Variants in LMO7 observed in about 807,000 individuals in gnomAD.
LMO7 encodes LIM domain only protein 7.
Under a neutral mutation model 206.5 loss-of-function variants are expected in LMO7, and 120 were observed. The observed-to-expected ratio is 0.58, with a 90% CI of 0.50 to 0.68. The LOEUF is 0.68. Ranked by LOEUF, LMO7 falls within the 30% of genes least tolerant of loss-of-function variation. The probability of loss-of-function intolerance (pLI) is 0.00; values close to 1 mark genes in which losing one functional copy is unlikely to be tolerated. For missense variants in LMO7, 1,959 were observed against 1,957.9 expected, an observed-to-expected ratio of 1.00 and a Z score of -0.01; for synonymous variants, 706 against 681.5, an observed-to-expected ratio of 1.04 and a Z score of -0.56.
rs778667380 is a variant in LMO7, at chr13:75,857,595, CA to C, written c.4874-323del. Reference sequence around the variant, plus strand: ...GTGTGTGTGTTTTTCTCTCTCTCATCAAATTCCAAAGCCAAATAGAAATGAT... The same window carrying C: ...GTGTGTGTGTTTTTCTCTCTCTCATCAATTCCAAAGCCAAATAGAAATGAT... On this transcript the variant is annotated intron_variant, in intron 30 of 30. Transcript: ENST00000377534. 91 of 189,090 alleles carry C rather than the reference CA, an allele frequency of 4.8e-4. 1 individual carries two copies. The highest frequency in any genetic ancestry group is 7.9e-4 in the Non-Finnish European group (73 of 91,880). 11.7% of individuals were successfully genotyped at this position (189,090 alleles called of 1,614,324 possible). A position where few individuals can be genotyped will look rare whatever the true frequency, so the allele number is the denominator to read the frequency against.
chr13:75,665,305 C>CT (rs1450711660), intron 1 of LMO7, among the ~76,000 whole-genome samples: 1 of 151,540 alleles, frequency 6.6e-6, no homozygotes, highest in Non-Finnish European at 1.5e-5. Flanking sequence ...CTTTCCTCTT[C>CT]TTTTTTTAAA....
At chr13:75,811,951 G>T (rs73227981) in intron 11 of LMO7, among the ~76,000 whole-genome samples, 1,750 of 152,254 alleles carry the variant, frequency 0.011, 20 homozygotes, top group Non-Finnish European at 0.016. Context: ...TCACTTATGG[G>T]TTTGGCCAAA....
intron 20 of LMO7, among the ~76,000 whole-genome samples, chr13:75,839,065 A>T (rs982842193): frequency 1.3e-5 from 2 of 152,206 alleles, no homozygotes; most frequent in Non-Finnish European, 1.5e-5. Flanking sequence ...TTAATCACCT[A>T]ATATCATTCC....
At chr13:75,709,109 C>T (rs1268320877) in intron 1 of LMO7, among the ~76,000 whole-genome samples, 1 of 152,084 alleles carries the variant, frequency 6.6e-6, no homozygotes, top group African/African-American at 2.4e-5. Flanking sequence ...CATCCATGTC[C>T]CTAAAAAGGA....
chr13:75,691,015 T>C (rs1000890512), intron 1 of LMO7, among the ~76,000 whole-genome samples: 4 of 152,138 alleles, frequency 2.6e-5, no homozygotes, highest in African/African-American at 9.7e-5. Context: ...TATATGTAGA[T>C]ATGTATATGT....
At chr13:75,683,851 T>A (rs1327577711) in intron 1 of LMO7, among the ~76,000 whole-genome samples, 1 of 152,192 alleles carries the variant, frequency 6.6e-6, no homozygotes, top group African/African-American at 2.4e-5. Context: ...GATTGGCAAT[T>A]TGTTGATAGA....
chr13:75,707,237 G>C (rs2042725786), intron 1 of LMO7, among the ~76,000 whole-genome samples: 1 of 151,536 alleles, frequency 6.6e-6, no homozygotes, highest in African/African-American at 2.4e-5. Context: ...TACAACTTAG[G>C]AATAATTACT....
intron 1 of LMO7, among the ~76,000 whole-genome samples, chr13:75,647,830 G>A (rs1462635655): frequency 6.6e-6 from 1 of 152,036 alleles, no homozygotes; most frequent in Non-Finnish European, 1.5e-5. Context: ...TTCTGAAATG[G>A]CACACAAAAC....
intron 3 of LMO7, among the ~76,000 whole-genome samples, chr13:75,740,620 G>T (rs1301214861): frequency 6.6e-6 from 1 of 152,182 alleles, no homozygotes; most frequent in African/African-American, 2.4e-5. Context: ...TTGTAGATTT[G>T]TTTGAGGAGA....
In LMO7 at chr13:75,821,504, C is replaced by G. The variant is rs2057566953; in HGVS notation, c.2535C>G (p.Pro845=). 1 of 1,614,088 alleles carries G rather than the reference C, an allele frequency of 6.2e-7. No individual in the cohort carries two copies. Among genetic ancestry groups the G allele is most frequent in the East Asian group, 2.2e-5 (1 of 44,884 alleles). ...CAACTCGTGTTTCAGCTTCTCTCCC[C>G]AGAAGTTACCGGAAAACTGATACAG... The part of the protein sequence containing the change: ...MESTRVSASL[P]RSYRKTDTVR... The change falls in exon 14 of 31, where the codon CCC becomes CCG. Residue 845 remains proline (P), a synonymous_variant. Coordinates refer to ENST00000377534, the MANE Select transcript of LMO7 (RefSeq NM_001306080.2).
At position 75,760,962 on chromosome 13, in the gene LMO7, G is replaced by T; in HGVS notation, c.241G>T (p.Glu81Ter). ...DNINVFLKAC[E>*]QIGLKEAQLF... ...TATAAACGTTTTCTTGAAAGCTTGT[G>T]AACAGATTGGATTGAAAGAAGCCCA... The change falls in exon 4 of 31, where the codon GAA becomes TAA. Residue 81 changes from glutamate to a stop codon, truncating the protein, a stop_gained. Transcript: ENST00000377534. LOFTEE classifies it high-confidence loss of function. 6.2e-7 allele frequency: 1 copy of T among 1,613,510 alleles called. No individual in the cohort carries two copies. The highest frequency in any genetic ancestry group is 1.1e-5 in the South Asian group (1 of 91,048).
At chr13:75,687,618 T>G (rs948684006) in intron 1 of LMO7, among the ~76,000 whole-genome samples, 1 of 152,214 alleles carries the variant, frequency 6.6e-6, no homozygotes, top group Admixed American at 6.5e-5. Context: ...TATTTGCTTT[T>G]TTATTGAAAT....
chr13:75,783,475 A>G (rs181002122), intron 4 of LMO7, among the ~76,000 whole-genome samples: 63 of 152,124 alleles, frequency 4.1e-4, no homozygotes, highest in East Asian at 3.9e-4. Context: ...AGGCCTCACC[A>G]CCATGCCCAG....
chr13:75,770,037 A>T (rs533914741), intron 4 of LMO7, among the ~76,000 whole-genome samples: 2 of 152,138 alleles, frequency 1.3e-5, no homozygotes, highest in Non-Finnish European at 2.9e-5. Flanking sequence ...TTTGTGTATA[A>T]TAGGGGTATA....
At chr13:75,809,204 TA>T in intron 11 of LMO7, 21 bp downstream of exon 11, 1 of 1,603,936 alleles carries the variant, frequency 6.2e-7, no homozygotes, top group Non-Finnish European at 8.5e-7. Flanking sequence ...TGGTTCACAG[TA>T]AAAAATCTGT....
intron 2 of LMO7, among the ~76,000 whole-genome samples, chr13:75,721,718 T>C (rs1452160248): frequency 6.6e-6 from 1 of 152,202 alleles, no homozygotes; most frequent in Non-Finnish European, 1.5e-5. Flanking sequence ...CACTCATTGA[T>C]TGATGGGCAT....
chr13:75,720,086 A>G (rs541510413), intron 2 of LMO7, among the ~76,000 whole-genome samples: 83 of 152,194 alleles, frequency 5.5e-4, no homozygotes, highest in Non-Finnish European at 1.0e-3. Context: ...CCCTGATAAC[A>G]TATGATGTGG....
At chr13:75,784,867 T>TA (rs2052151934) in intron 4 of LMO7, among the ~76,000 whole-genome samples, 1 of 152,190 alleles carries the variant, frequency 6.6e-6, no homozygotes, top group Non-Finnish European at 1.5e-5. Context: ...GATAGATATT[T>TA]GTTTTACAGA....
intron 4 of LMO7, among the ~76,000 whole-genome samples, chr13:75,776,184 TATATATATATATATATATATAAC>T (rs1566433991): frequency 1.1e-5 from 1 of 88,518 alleles, no homozygotes; most frequent in Non-Finnish European, 2.5e-5. Flanking sequence ...TATATATATA[TATATATATATATATATATATAAC>T]GTTAAGTCGT....
Sources: allele counts gnomAD v4.1 joint callset (sites outside exome capture counted in the v4.1 genomes callset), GRCh38; gene constraint gnomAD v4.1.1; transcripts MANE v1.5; gene names NCBI Gene and HGNC (gene_info 2026-07-23, HGNC 2026-07-21).